UGGT1: variants seen among roughly 807,000 people sequenced by gnomAD.
UGGT1 encodes the protein UDP-glucose glycoprotein glucosyltransferase 1, also known as UDP-glucose:glycoprotein glucosyltransferase 1.
UGGT1 carries 107 observed loss-of-function variants against 203.9 expected under a neutral mutation model. That is an observed-to-expected ratio of 0.52 (90% CI 0.45 to 0.62). The LOEUF is 0.62. UGGT1 is among the 20% of genes least tolerant of loss of function. The pLI, the probability that UGGT1 is intolerant of heterozygous loss-of-function variation, is 0.00. For missense variants in UGGT1, 1,673 were observed against 1,867.2 expected (o/e 0.90, Z 1.92); for synonymous variants, 628 against 653.5 (o/e 0.96, Z 0.59).
At chr2:128,137,725 A>T (rs1227219745) in intron 15 of UGGT1, among the ~76,000 whole-genome samples, 2 of 152,230 alleles carry the variant, frequency 1.3e-5, no homozygotes, top group African/African-American at 4.8e-5. Flanking sequence ...TTTTTGTGAA[A>T]GATATAAAGT....
intron 8 of UGGT1, 104 bp downstream of exon 8, chr2:128,116,447 C>T (rs1029213465): frequency 9.7e-6 from 7 of 721,908 alleles, no homozygotes; most frequent in Non-Finnish European, 1.7e-5. Flanking sequence ...CTGAGTTTCT[C>T]ATCTCCTAAC....
chr2:128,164,636 T>G, intron 25 of UGGT1, 94 bp from the exon 26 acceptor site: 5 of 1,008,176 alleles, frequency 5.0e-6, no homozygotes, highest in Non-Finnish European at 7.7e-6. Flanking sequence ...ACCATCTTGT[T>G]AGAATTCAGT....
chr2:128,172,435 G>A, intron 28 of UGGT1, 138 bp from the exon 29 acceptor site: 2 of 1,198,058 alleles, frequency 1.7e-6, no homozygotes, highest in South Asian at 2.9e-5. Context: ...AGATGGTTTT[G>A]GAAACACTTT....
intron 5 of UGGT1, 107 bp downstream of exon 5, chr2:128,109,853 G>A: frequency 1.2e-6 from 1 of 856,836 alleles, no homozygotes; most frequent in Non-Finnish European, 1.9e-6. Flanking sequence ...AGGTGTAATG[G>A]TTTAGAGTAT....
At chr2:128,122,664 A>G (rs952410778) in intron 10 of UGGT1, among the ~76,000 whole-genome samples, 2 of 152,206 alleles carry the variant, frequency 1.3e-5, no homozygotes, top group Non-Finnish European at 1.5e-5. Context: ...ATTGACTTGA[A>G]TGGTTCCCAG....
intron 24 of UGGT1, among the ~76,000 whole-genome samples, chr2:128,160,825 A>G (rs1205416241): frequency 6.6e-6 from 1 of 152,248 alleles, no homozygotes; most frequent in Non-Finnish European, 1.5e-5. Context: ...GGTGGCTCTC[A>G]GAAAGTCAGT....
In UGGT1 at chr2:128,162,228, T is replaced by G. The variant is rs1239337611; in HGVS notation, c.2825+960T>G. Among the ~76,000 whole-genome samples the G allele has an allele frequency of 1.3e-5, 2 of 152,054 alleles. 1 individual carries two copies. The highest frequency in any genetic ancestry group is 2.9e-5 in the Non-Finnish European group (2 of 68,002). On this transcript the variant is annotated intron_variant, in intron 25 of 40. Coordinates refer to ENST00000259253, the MANE Select transcript of UGGT1 (RefSeq NM_020120.4). ...CATTTTTAATTGCGTTTTTTTTTTTTGTCGTTGAGATGTAGCAGTTCTTTA... is the reference window on the plus strand; with the variant it reads ...CATTTTTAATTGCGTTTTTTTTTTTGGTCGTTGAGATGTAGCAGTTCTTTA...
At chr2:128,185,020 T>C (rs1691900866) in intron 38 of UGGT1, among the ~76,000 whole-genome samples, 1 of 152,064 alleles carries the variant, frequency 6.6e-6, no homozygotes. Context: ...TGGTATCTTC[T>C]AATTTATGGA....
Position 128,134,912 on chromosome 2 carries a change from G to C in UGGT1, c.1534G>C (p.Glu512Gln). The stretch of plus-strand genomic sequence containing the variant: ...TGATCCTGCACATGAGACCACAGCA[G>C]AGTTGATGAACACAGCTGAGATGTT... ...IVDPAHETTA[E>Q]LMNTAEMFLS... is the part of the protein sequence containing the mutation. The change falls in exon 15 of 41, where the codon GAG becomes CAG. Residue 512 changes from glutamate (E) to glutamine (Q), a missense_variant. Glu to Gln is a conservative substitution (Grantham distance 29). Transcript: ENST00000259253. 2 of 1,613,982 alleles carry C rather than the reference G, an allele frequency of 1.2e-6. No individual in the cohort carries two copies. Among genetic ancestry groups the C allele is most frequent in the Non-Finnish European group, 1.7e-6 (2 of 1,179,978 alleles).
In UGGT1 at chr2:128,116,323, G is replaced by T; in HGVS notation, c.852G>T (p.Gly284=). The part of the protein sequence containing the change: ...GENDPIDEVQ[G]FLFGKLRDLH... ...ATGATCCTATTGATGAGGTTCAGGG[G>T]TTCCTCTTTGGAAAATTAAGGTATG... is the stretch of plus-strand genomic sequence containing the variant. The change falls in exon 8 of 41, where the codon GGG becomes GGT. Residue 284 remains glycine (G), a synonymous_variant. Transcript: ENST00000259253. 1.9e-6 allele frequency: 3 copies of T among 1,610,980 alleles called. No homozygotes were observed. Among genetic ancestry groups the T allele is most frequent in the African/African-American group, 1.3e-5 (1 of 74,958 alleles).
chr2:128,156,089 A>G (rs1290781777), intron 20 of UGGT1, among the ~76,000 whole-genome samples: 1 of 152,230 alleles, frequency 6.6e-6, no homozygotes, highest in African/African-American at 2.4e-5. Flanking sequence ...GTGCTTCAGA[A>G]AAGCACTGGC....
chr2:128,149,376 G>C (rs1381202073), intron 18 of UGGT1, among the ~76,000 whole-genome samples: 1 of 150,076 alleles, frequency 6.7e-6, no homozygotes, highest in African/African-American at 2.4e-5. Context: ...CGGGCGCGAT[G>C]GCTCATGCCT....
chr2:128,178,625 AT>A, intron 34 of UGGT1, 56 bp downstream of exon 34: 1 of 1,498,112 alleles, frequency 6.7e-7, no homozygotes. Flanking sequence ...CAGTGTTCTT[AT>A]TTAGAGAGGA....
At chr2:128,093,786 A>G (rs1416520460) in intron 1 of UGGT1, among the ~76,000 whole-genome samples, 1 of 152,218 alleles carries the variant, frequency 6.6e-6, no homozygotes, top group Non-Finnish European at 1.5e-5. Flanking sequence ...CAAGGTACTC[A>G]GCATCTTCGA....
intron 13 of UGGT1, among the ~76,000 whole-genome samples, chr2:128,130,847 A>T (rs895168966): frequency 1.3e-5 from 2 of 152,100 alleles, no homozygotes; most frequent in Non-Finnish European, 2.9e-5. Context: ...GCTGGACTCA[A>T]ATTCCTGCGG....
At chr2:128,143,040 CTT>C in intron 16 of UGGT1, 52 bp from the exon 17 acceptor site, 46 of 1,479,048 alleles carry the variant, frequency 3.1e-5, no homozygotes, top group Non-Finnish European at 3.5e-5. Flanking sequence ...GGAATAAACA[CTT>C]TGAAATTTGA....
rs1692422202 is a variant in UGGT1, at chr2:128,194,441, A to AT, written c.*4704dup. 6.6e-6 allele frequency: 1 copy of AT among 152,002 alleles called. No homozygotes were observed. The highest frequency in any genetic ancestry group is 1.5e-5 in the Non-Finnish European group (1 of 68,032). 9.4% of individuals were successfully genotyped at this position (152,002 alleles called of 1,614,324 possible). On this transcript the variant is annotated 3_prime_UTR_variant, in exon 41 of 41. Transcript: ENST00000259253. The stretch of plus-strand genomic sequence containing the variant: ...GCCACTATGCCTAGCTAATTTTTGT[A>AT]TTTTTAGTAGAGACGGGGTTTTGCC...
chr2:128,134,105 C>G (rs1049216014), intron 14 of UGGT1, among the ~76,000 whole-genome samples: 2 of 152,180 alleles, frequency 1.3e-5, no homozygotes, highest in Non-Finnish European at 2.9e-5. Flanking sequence ...GGCAGGATCT[C>G]GGCTCACTGC....
chr2:128,127,336 C>G, intron 11 of UGGT1, 25 bp from the exon 12 acceptor site: 1 of 1,537,554 alleles, frequency 6.5e-7, no homozygotes, highest in East Asian at 2.3e-5. Flanking sequence ...CTCACAGCTC[C>G]CTAATAATTA....
Sources: gnomAD v4.1 joint callset for allele counts (sites outside exome capture counted in the v4.1 genomes callset) on GRCh38, gnomAD v4.1.1 for gene constraint, MANE v1.5 for transcripts, NCBI Gene and HGNC (gene_info 2026-07-23, HGNC 2026-07-21) for gene names.